Variants in C4orf50 observed in about 807,000 individuals in gnomAD.
The protein encoded by C4orf50 is uncharacterized protein C4orf50.
In C4orf50, 80 loss-of-function variants were observed where a neutral mutation model predicts 77.2. The observed-to-expected ratio is 1.04, with a 90% confidence interval of 0.87 to 1.25. The LOEUF (loss-of-function observed/expected upper bound fraction) is 1.25. Ranked by LOEUF, C4orf50 falls within the 50% of genes most tolerant of loss-of-function variation. The probability of loss-of-function intolerance (pLI) is 0.00; values close to 1 mark genes in which losing one functional copy is unlikely to be tolerated. For synonymous variants in C4orf50, 532 were observed against 465.3 expected (o/e 1.14, Z -1.84); for missense variants, 1,257 against 1,152.9 (o/e 1.09, Z -1.31).
chr4:5,904,241 A>C (rs1411107583), intron 7 of C4orf50: 2 of 152,272 alleles, frequency 1.3e-5, no homozygotes, highest in Non-Finnish European at 2.9e-5. Context: ...AGCGGGCCTC[A>C]CAGCCCTGCA....
At chr4:5,913,783 G>T (rs566165122) in intron 7 of C4orf50, among the ~76,000 whole-genome samples, 1 of 152,172 alleles carries the variant, frequency 6.6e-6, no homozygotes. Flanking sequence ...GGGCTTTCTC[G>T]CTGCATTGTC....
chr4:6,004,451 G>A, intron 25 of C4orf50, among the ~76,000 whole-genome samples: 1 of 13,712 alleles, frequency 7.3e-5, no homozygotes, highest in Non-Finnish European at 1.8e-4. Flanking sequence ...TGATGGTAAT[G>A]GTGATGATGG....
intron 25 of C4orf50, among the ~76,000 whole-genome samples, chr4:5,995,316 A>G (rs1423198361): frequency 6.6e-6 from 1 of 152,142 alleles, no homozygotes; most frequent in Non-Finnish European, 1.5e-5. Flanking sequence ...TTCAACTGTC[A>G]ATAAGCTCCA....
At chr4:5,973,448 T>A (rs948822605) in intron 31 of C4orf50, among the ~76,000 whole-genome samples, 1 of 152,082 alleles carries the variant, frequency 6.6e-6, no homozygotes, top group African/African-American at 2.4e-5. Flanking sequence ...CTGAGCACCA[T>A]AAAGGGTAAG....
At chr4:5,945,758 C>A (rs1296959358) in intron 7 of C4orf50, among the ~76,000 whole-genome samples, 1 of 152,198 alleles carries the variant, frequency 6.6e-6, no homozygotes, top group East Asian at 1.9e-4. Flanking sequence ...TCTTGACCAG[C>A]TGGCAGGCTG....
intron 7 of C4orf50, among the ~76,000 whole-genome samples, chr4:5,914,585 A>C (rs953681879): frequency 6.6e-6 from 1 of 152,168 alleles, no homozygotes; most frequent in African/African-American, 2.4e-5. Flanking sequence ...CTTAAAATTA[A>C]TTATCACGGT....
intron 25 of C4orf50, among the ~76,000 whole-genome samples, chr4:5,996,665 T>C (rs1721604734): frequency 6.6e-6 from 1 of 152,166 alleles, no homozygotes; most frequent in Non-Finnish European, 1.5e-5. Flanking sequence ...TGTATGATGG[T>C]TTGGGTCTTG....
chr4:5,940,466 TA>T (rs1718211408), intron 7 of C4orf50, among the ~76,000 whole-genome samples: 1 of 152,204 alleles, frequency 6.6e-6, no homozygotes, highest in African/African-American at 2.4e-5. Flanking sequence ...TTGGCCTGAA[TA>T]TAGTATTCCT....
rs1044193185 is a variant in C4orf50, at chr4:5,992,309, A to G, written c.1221+494T>C. On this transcript the variant is annotated intron_variant, in intron 27 of 33. Coordinates refer to ENST00000531445, the Ensembl canonical transcript of C4orf50. This position sits in a 1 kb window ranked among gnomAD's most constrained non-coding sequence, Gnocchi z 5.0. ...CACAGCTCTGTTCCTCAGGGATGAG[A>G]AAATGGAAGTGGAGAAAGGTTACGA... Among the ~76,000 whole-genome samples, 2 of 152,288 alleles carry G rather than the reference A, an allele frequency of 1.3e-5. No homozygotes were observed. Among genetic ancestry groups the G allele is most frequent in the Non-Finnish European group, 2.9e-5 (2 of 68,028 alleles).
chr4:5,927,708 G>T (rs1032534997), intron 7 of C4orf50, among the ~76,000 whole-genome samples: 6 of 151,990 alleles, frequency 3.9e-5, no homozygotes, highest in African/African-American at 4.8e-5. Flanking sequence ...TGCCATGATT[G>T]TAAGTTTCCT....
At chr4:5,940,299 T>C (rs997455891) in intron 7 of C4orf50, among the ~76,000 whole-genome samples, 2 of 152,248 alleles carry the variant, frequency 1.3e-5, no homozygotes, top group African/African-American at 4.8e-5. Flanking sequence ...ACACACTTGA[T>C]AGAAATCTTC....
At chr4:5,980,902 A>C (rs1457745798) in intron 28 of C4orf50, among the ~76,000 whole-genome samples, 1 of 152,200 alleles carries the variant, frequency 6.6e-6, no homozygotes, top group Non-Finnish European at 1.5e-5. Context: ...CTCTTCTTGG[A>C]TCTAACATGA....
rs1560578927 is a variant in C4orf50, at chr4:5,980,158, A to G, written c.3864+16T>C. 9.0e-6 allele frequency: 14 copies of G among 1,556,074 alleles called. No individual in the cohort carries two copies. Among genetic ancestry groups the G allele is most frequent in the East Asian group, 4.6e-5 (2 of 43,538 alleles). ...AGCCCTGGCTGACAAGAGGGGAAAG[A>G]AAGCACTTCCCACACCTTGGCCTGG... On this transcript the variant is annotated intron_variant, in intron 29 of 33. Transcript: ENST00000531445.
intron 7 of C4orf50, among the ~76,000 whole-genome samples, chr4:5,913,153 T>C (rs1437760669): frequency 4.6e-5 from 7 of 152,198 alleles, no homozygotes; most frequent in Admixed American, 4.6e-4. Context: ...GGCAAGTTAC[T>C]TAACCTCTTT....
At chr4:5,987,581 A>T (rs1304438735) in intron 28 of C4orf50, among the ~76,000 whole-genome samples, 2 of 151,352 alleles carry the variant, frequency 1.3e-5, no homozygotes, top group African/African-American at 2.4e-5. Context: ...AGGAAGAGAG[A>T]GACAAAGAGA....
chr4:5,933,765 G>A (rs1717872740), intron 7 of C4orf50, among the ~76,000 whole-genome samples: 1 of 152,192 alleles, frequency 6.6e-6, no homozygotes. Context: ...CCCCTTGAAG[G>A]ACACTGTTCC....
At chr4:5,961,263 C>T (rs545438049) in intron 33 of C4orf50, among the ~76,000 whole-genome samples, 25 of 152,118 alleles carry the variant, frequency 1.6e-4, no homozygotes, top group Non-Finnish European at 3.2e-4. Context: ...TGCAGTGAGC[C>T]GAGATCGTGC....
chr4:5,973,481 TGCCCACCCAGG>T (rs1239426869), intron 31 of C4orf50, among the ~76,000 whole-genome samples, 167 bp downstream of exon 9: 1 of 152,036 alleles, frequency 6.6e-6, no homozygotes, highest in African/African-American at 2.4e-5. Flanking sequence ...CATCTTCCCA[TGCCCACCCAGG>T]GCATGGGCAT....
At chr4:5,927,000 A>G (rs1327714254) in intron 7 of C4orf50, among the ~76,000 whole-genome samples, 8 of 152,208 alleles carry the variant, frequency 5.3e-5, no homozygotes, top group Non-Finnish European at 1.0e-4. Context: ...GAAGACAGAC[A>G]GGGAGTGTTC....
Sources: gnomAD v4.1 joint callset for allele counts (sites outside exome capture counted in the v4.1 genomes callset) on GRCh38, gnomAD v4.1.1 for gene constraint, Gnocchi (gnomAD v3.1) non-coding constraint, MANE v1.5 for transcripts, NCBI Gene and HGNC (gene_info 2026-07-23, HGNC 2026-07-21) for gene names.